LRRC8C: variants seen among roughly 807,000 people sequenced by gnomAD.
LRRC8C encodes volume-regulated anion channel subunit LRRC8C.
A neutral mutation model predicts 55.3 loss-of-function variants in LRRC8C; 20 were observed. That is an observed-to-expected ratio of 0.36 (90% confidence interval 0.25 to 0.53). The LOEUF (loss-of-function observed/expected upper bound fraction) is 0.53. LRRC8C is among the 20% of genes least tolerant of loss of function. The probability of loss-of-function intolerance (pLI) is 0.92; values close to 1 mark genes in which losing one functional copy is unlikely to be tolerated. For missense variants in LRRC8C, 659 were observed against 951.4 expected (o/e 0.69, Z 4.04); for synonymous variants, 376 against 360.7 (o/e 1.04, Z -0.48).
chr1:89,641,992 A>C (rs759967647), intron 1 of LRRC8C, among the ~76,000 whole-genome samples: 1 of 152,238 alleles, frequency 6.6e-6, no homozygotes, highest in Non-Finnish European at 1.5e-5. Context: ...CAGTAAGGCC[A>C]ATGAGTTAAC....
chr1:89,646,280 G>C (rs1273312203), intron 1 of LRRC8C, among the ~76,000 whole-genome samples: 1 of 152,064 alleles, frequency 6.6e-6, no homozygotes, highest in Non-Finnish European at 1.5e-5. Context: ...TATCACTACA[G>C]ACCCTACTGA....
At chr1:89,640,081 T>C (rs1030132583) in intron 1 of LRRC8C, among the ~76,000 whole-genome samples, 2 of 152,240 alleles carry the variant, frequency 1.3e-5, no homozygotes, top group Non-Finnish European at 1.5e-5. Flanking sequence ...TTTTTCTTTT[T>C]TGAGATGGAA....
At chr1:89,647,158 G>A (rs1656636387) in intron 1 of LRRC8C, among the ~76,000 whole-genome samples, 1 of 152,142 alleles carries the variant, frequency 6.6e-6, no homozygotes, top group South Asian at 2.1e-4. Flanking sequence ...TCAATTAAAA[G>A]TAATTATTTC....
chr1:89,668,235 C>G (rs10922691), intron 1 of LRRC8C: 7 of 152,668 alleles, frequency 4.6e-5, no homozygotes, highest in Admixed American at 3.3e-4. Flanking sequence ...ACAGATCCCC[C>G]TAAAGGAGAT....
intron 1 of LRRC8C, among the ~76,000 whole-genome samples, chr1:89,633,640 G>T (rs1656198007): frequency 6.6e-6 from 1 of 152,148 alleles, no homozygotes; most frequent in South Asian, 2.1e-4. Context: ...GGGGTGGGGG[G>T]GCGGTCCGCG....
chr1:89,675,171 TA>T (rs1249532797), intron 1 of LRRC8C, among the ~76,000 whole-genome samples: 1 of 152,064 alleles, frequency 6.6e-6, no homozygotes. Context: ...ATGAAATCAT[TA>T]AGAGTTCAAC....
At chr1:89,633,030 C>A (rs568037140), upstream of LRRC8C, 4 of 151,926 alleles carry the variant, frequency 2.6e-5, no homozygotes, top group Non-Finnish European at 5.9e-5. Context: ...CGCTGGCTGC[C>A]GCTAGCCGGG....
chr1:89,632,504 A>G (rs1295510220), upstream of LRRC8C, among the ~76,000 whole-genome samples: 5 of 152,040 alleles, frequency 3.3e-5, no homozygotes, highest in African/African-American at 1.2e-4. Flanking sequence ...CTCCTTCTCC[A>G]TCTTCCTCAT....
At chr1:89,652,566 A>T (rs1232725804) in intron 1 of LRRC8C, among the ~76,000 whole-genome samples, 1 of 152,164 alleles carries the variant, frequency 6.6e-6, no homozygotes, top group Non-Finnish European at 1.5e-5. Flanking sequence ...GTTTAATCAG[A>T]TAACCCCTTA....
the LRRC8C span, among the ~76,000 whole-genome samples, chr1:89,619,763 A>C: frequency 3.3e-5 from 5 of 152,166 alleles, no homozygotes; most frequent in South Asian, 1.0e-3. Flanking sequence ...AATATTAATA[A>C]AAATTAATGT....
At chr1:89,636,814 C>A (rs1656295670) in intron 1 of LRRC8C, among the ~76,000 whole-genome samples, 1 of 152,180 alleles carries the variant, frequency 6.6e-6, no homozygotes, top group Non-Finnish European at 1.5e-5. Context: ...CGGCCCACTC[C>A]TAATGCTATT....
intron 2 of LRRC8C, among the ~76,000 whole-genome samples, chr1:89,707,828 C>T (rs763618597): frequency 2.3e-4 from 35 of 152,050 alleles, no homozygotes; most frequent in Non-Finnish European, 4.4e-4. Context: ...TCACCTCCTC[C>T]TACTTCCAAG....
At chr1:89,707,852 A>G (rs779496864) in intron 2 of LRRC8C, among the ~76,000 whole-genome samples, 40 of 152,006 alleles carry the variant, frequency 2.6e-4, no homozygotes, top group Non-Finnish European at 4.6e-4. Context: ...GTTCACTCCA[A>G]TGTAAAGTAG....
chr1:89,698,928 A>G (rs1181351565), intron 2 of LRRC8C, among the ~76,000 whole-genome samples: 3 of 152,154 alleles, frequency 2.0e-5, no homozygotes, highest in Non-Finnish European at 4.4e-5. Context: ...AATGTTAAGC[A>G]TCATCATCAT....
intron 1 of LRRC8C, among the ~76,000 whole-genome samples, chr1:89,670,607 A>C (rs191584590): frequency 1.7e-3 from 257 of 152,364 alleles, no homozygotes; most frequent in Middle Eastern, 3.4e-3. Flanking sequence ...AAAAATGTCA[A>C]TTTAAAAAAT....
At chr1:89,638,622 C>CA (rs34962234) in intron 1 of LRRC8C, among the ~76,000 whole-genome samples, 84,682 of 151,938 alleles carry the variant, frequency 0.56, 24,014 homozygotes, top group East Asian at 0.79. Context: ...TTAATTTACA[C>CA]ATCCTCTGGA....
At chr1:89,671,653 C>T (rs1657419782) in intron 1 of LRRC8C, among the ~76,000 whole-genome samples, 1 of 152,120 alleles carries the variant, frequency 6.6e-6, no homozygotes, top group Admixed American at 6.5e-5. Context: ...GAACTTGGTA[C>T]AAACATAGGC....
intron 2 of LRRC8C, among the ~76,000 whole-genome samples, chr1:89,691,421 G>A (rs1023755586): frequency 2.0e-5 from 3 of 152,204 alleles, no homozygotes; most frequent in Non-Finnish European, 2.9e-5. Flanking sequence ...CACAGTGACC[G>A]GAGGGCCCAG....
chr1:89,652,104 A>G (rs1270904563), intron 1 of LRRC8C, among the ~76,000 whole-genome samples: 1 of 151,696 alleles, frequency 6.6e-6, no homozygotes, highest in Non-Finnish European at 1.5e-5. Context: ...GGTGCAGTAA[A>G]AGAAAAGTAA....
Sources: allele counts gnomAD v4.1 joint callset (sites outside exome capture counted in the v4.1 genomes callset), GRCh38; gene constraint gnomAD v4.1.1; transcripts MANE v1.5; gene names NCBI Gene and HGNC (gene_info 2026-07-23, HGNC 2026-07-21).